ETF1: variants seen among roughly 807,000 people sequenced by gnomAD.
The protein encoded by ETF1 is eukaryotic translation termination factor 1.
Under a neutral mutation model 55.1 loss-of-function variants are expected in ETF1, and 4 were observed. The observed-to-expected ratio is 0.07, with a 90% confidence interval of 0.04 to 0.17. ETF1 has a LOEUF of 0.17. Among genes scored for constraint, ETF1 ranks in the 10% least tolerant of loss-of-function variants. The pLI is 1.00. For missense variants in ETF1, 142 were observed against 523.6 expected, an observed-to-expected ratio of 0.27 and a Z score of 7.11; for synonymous variants, 157 against 182.3, an observed-to-expected ratio of 0.86 and a Z score of 1.12.
At chr5:138,525,900 C>G (rs1765449764) in intron 2 of ETF1, among the ~76,000 whole-genome samples, 2 of 144,972 alleles carry the variant, frequency 1.4e-5, no homozygotes, top group African/African-American at 5.1e-5. Context: ...GAGCAGAGAT[C>G]ACGCCACTCA....
At chr5:138,537,774 G>A (rs894009320) in intron 2 of ETF1, among the ~76,000 whole-genome samples, 4 of 150,592 alleles carry the variant, frequency 2.7e-5, no homozygotes, top group African/African-American at 9.8e-5. Context: ...TAGAGACAGG[G>A]TTTCACTGTG....
chr5:138,518,965 G>A (rs1765128219), intron 2 of ETF1, 98 bp from the exon 3 acceptor site: 2 of 1,549,184 alleles, frequency 1.3e-6, no homozygotes, highest in Non-Finnish European at 1.7e-6. Context: ...ATGCCCCAAA[G>A]TTATGGAAAC....
intron 4 of ETF1, 21 bp from the exon 5 acceptor site, chr5:138,513,727 C>T: frequency 1.9e-6 from 3 of 1,585,772 alleles, no homozygotes; most frequent in South Asian, 2.2e-5. Flanking sequence ...AACACAAGTA[C>T]CACACGGTGA....
chr5:138,539,472 C>A (rs566273168), intron 2 of ETF1, among the ~76,000 whole-genome samples: 55 of 152,296 alleles, frequency 3.6e-4, no homozygotes, highest in Admixed American at 1.4e-3. Flanking sequence ...GGAGCATATA[C>A]CAGGAGCAAT....
intron 3 of ETF1, 33 bp from the exon 4 acceptor site, chr5:138,517,733 C>T: frequency 6.4e-6 from 9 of 1,400,442 alleles, no homozygotes; most frequent in Non-Finnish European, 8.5e-6. Flanking sequence ...TTCTACTTTA[C>T]CCCATATCTA....
intron 2 of ETF1, among the ~76,000 whole-genome samples, chr5:138,522,616 A>C (rs1374162140): frequency 6.6e-6 from 1 of 152,168 alleles, no homozygotes; most frequent in South Asian, 2.1e-4. Context: ...AAAAAGAAAC[A>C]ACCCATATGT....
intron 2 of ETF1, among the ~76,000 whole-genome samples, chr5:138,519,663 G>A (rs1440767466): frequency 2.0e-4 from 29 of 143,908 alleles, no homozygotes; most frequent in Admixed American, 7.6e-4. Flanking sequence ...ACTTAGTCTC[G>A]AGAAAAAAAA....
At chr5:138,512,613 T>C (rs1581019651) in intron 6 of ETF1, 151 bp downstream of exon 6, 3 of 588,886 alleles carry the variant, frequency 5.1e-6, no homozygotes, top group South Asian at 5.5e-5. Flanking sequence ...GAATGTTTCC[T>C]GATAAACATC....
intron 2 of ETF1, among the ~76,000 whole-genome samples, chr5:138,534,965 CTT>C (rs70982719): frequency 2.0e-3 from 257 of 126,304 alleles, no homozygotes; most frequent in African/African-American, 4.2e-3. Context: ...AAACTAGTTT[CTT>C]TTTTTTTTTT....
chr5:138,536,427 G>A (rs462783), intron 2 of ETF1, among the ~76,000 whole-genome samples: 73,431 of 151,956 alleles, frequency 0.48, 19,917 homozygotes, highest in Non-Finnish European at 0.6. Context: ...AGATAAAACC[G>A]TATCAGAGGG....
At chr5:138,513,190 CT>C (rs1764883640) in intron 5 of ETF1, 12 of 985,166 alleles carry the variant, frequency 1.2e-5, no homozygotes, top group Admixed American at 6.1e-5. Context: ...GGAGGCTTCT[CT>C]CCCCATCATC....
At chr5:138,509,477 C>G (rs1440645710) in intron 9 of ETF1, among the ~76,000 whole-genome samples, 1 of 152,120 alleles carries the variant, frequency 6.6e-6, no homozygotes, top group African/African-American at 2.4e-5. Context: ...CAAACAAAAA[C>G]CAGGCCAGGC....
rs758220592 is a variant in ETF1 at position 138,511,023 on chromosome 5, C to A, written c.1018+22G>T. The A allele has an allele frequency of 3.7e-6, 6 of 1,608,780 alleles. No individual in the cohort carries two copies. In the Admixed American group the frequency reaches 1.0e-4, roughly 27 times the overall value. On this transcript the variant is annotated intron_variant, in intron 8 of 10. Transcript: ENST00000360541. Reference sequence around the variant, plus strand: ...TTCCTGGCTCAGTAACAAATAGCAACCTTATTTTCTAATTCTCATACCTTC... The same window carrying A: ...TTCCTGGCTCAGTAACAAATAGCAAACTTATTTTCTAATTCTCATACCTTC...
At chr5:138,533,243 A>G (rs955259000) in intron 2 of ETF1, among the ~76,000 whole-genome samples, 3 of 151,756 alleles carry the variant, frequency 2.0e-5, no homozygotes, top group Admixed American at 1.3e-4. Context: ...CCAAGTGTAT[A>G]TAAGCATCCT....
chr5:138,540,727 C>T (rs1766137338), intron 2 of ETF1, among the ~76,000 whole-genome samples: 1 of 152,180 alleles, frequency 6.6e-6, no homozygotes, highest in Non-Finnish European at 1.5e-5. Flanking sequence ...AATATCCAAA[C>T]TCAACAACTT....
intron 2 of ETF1, among the ~76,000 whole-genome samples, chr5:138,525,023 G>A (rs954294453): frequency 2.5e-4 from 38 of 151,114 alleles, no homozygotes; most frequent in Non-Finnish European, 3.4e-4. Context: ...TTCTTTTAAT[G>A]TCTCTTGGTC....
intron 6 of ETF1, 152 bp downstream of exon 6, chr5:138,512,612 C>T (rs1764864577): frequency 3.4e-6 from 2 of 583,928 alleles, no homozygotes; most frequent in African/African-American, 4.0e-5. Flanking sequence ...GGAATGTTTC[C>T]TGATAAACAT....
chr5:138,530,942 C>A (rs147291358), intron 2 of ETF1, among the ~76,000 whole-genome samples: 46 of 152,284 alleles, frequency 3.0e-4, no homozygotes, highest in Admixed American at 7.2e-4. Context: ...AGGGTCATCT[C>A]TAGGTCTGCT....
chr5:138,530,766 T>C (rs1001139760), intron 2 of ETF1, among the ~76,000 whole-genome samples: 2 of 152,150 alleles, frequency 1.3e-5, no homozygotes, highest in Non-Finnish European at 2.9e-5. Context: ...GGTTTCACCA[T>C]GTTGGCCAGG....
Sources: gnomAD v4.1 joint callset for allele counts (sites outside exome capture counted in the v4.1 genomes callset) on GRCh38, gnomAD v4.1.1 for gene constraint, MANE v1.5 for transcripts, NCBI Gene and HGNC (gene_info 2026-07-23, HGNC 2026-07-21) for gene names.